The following EYS variants were observed in gnomAD, a reference collection of about 807,000 sequenced individuals.
EYS encodes protein eyes shut homolog.
EYS carries 250 observed loss-of-function variants against 282.1 expected under a neutral mutation model. The observed-to-expected ratio is 0.89, with a 90% CI of 0.80 to 0.98. The LOEUF (loss-of-function observed/expected upper bound fraction) is 0.98, where lower values mean the gene tolerates loss of function less well. Among genes scored for constraint, EYS ranks in the 50% least tolerant of loss-of-function variants. EYS has a pLI of 0.00. For synonymous variants in EYS, 1,355 were observed against 1,282.9 expected (o/e 1.06, Z -1.20); for missense variants, 4,016 against 3,709.0 (o/e 1.08, Z -2.15).
At chr6:63,811,356 A>T (rs1771041777) in intron 36 of EYS, among the ~76,000 whole-genome samples, 1 of 152,218 alleles carries the variant, frequency 6.6e-6, no homozygotes, top group Non-Finnish European at 1.5e-5. Flanking sequence ...TTTCTAAACT[A>T]AATGTCAATT....
intron 1 of EYS, among the ~76,000 whole-genome samples, chr6:65,703,286 G>C (rs889371891): frequency 3.3e-5 from 5 of 151,956 alleles, no homozygotes; most frequent in African/African-American, 1.2e-4. Context: ...CACATATACA[G>C]GCAGATAGAT....
At chr6:65,504,418 A>T (rs770154678) in intron 2 of EYS, among the ~76,000 whole-genome samples, 1 of 151,620 alleles carries the variant, frequency 6.6e-6, no homozygotes, top group Non-Finnish European at 1.5e-5. Flanking sequence ...TTCTAATTGT[A>T]CTAGCTAGAA....
At chr6:64,601,497 C>T (rs1332193700) in intron 24 of EYS, among the ~76,000 whole-genome samples, 2 of 152,044 alleles carry the variant, frequency 1.3e-5, no homozygotes, top group Non-Finnish European at 2.9e-5. Flanking sequence ...CACATCTACT[C>T]AATACAATGT....
At chr6:64,396,776 T>C (rs565221049) in intron 28 of EYS, among the ~76,000 whole-genome samples, 1 of 152,204 alleles carries the variant, frequency 6.6e-6, no homozygotes, top group South Asian at 2.1e-4. Context: ...CTGGTCAATT[T>C]TTCTATCTTT....
chr6:64,491,887 C>T (rs1776752037), intron 26 of EYS, among the ~76,000 whole-genome samples: 1 of 151,156 alleles, frequency 6.6e-6, no homozygotes, highest in Non-Finnish European at 1.5e-5. Context: ...ATTAAGCATA[C>T]ACTTAAATAG....
At chr6:65,444,015 G>A (rs992286471) in intron 5 of EYS, among the ~76,000 whole-genome samples, 4 of 151,622 alleles carry the variant, frequency 2.6e-5, no homozygotes, top group Admixed American at 1.3e-4. Context: ...AATTATTAAA[G>A]CATGGTTCAA....
chr6:65,348,208 C>A (rs1034859014), intron 9 of EYS, among the ~76,000 whole-genome samples: 1 of 151,722 alleles, frequency 6.6e-6, no homozygotes, highest in Non-Finnish European at 1.5e-5. Context: ...GTGCAGATAT[C>A]TCTTCAATAT....
intron 2 of EYS, among the ~76,000 whole-genome samples, chr6:65,616,068 A>C (rs1333819143): frequency 7.9e-6 from 1 of 126,684 alleles, no homozygotes; most frequent in South Asian, 2.2e-4. Flanking sequence ...CAAGCATTAA[A>C]CATTTACTCT....
rs577726437 is a variant in EYS, at chr6:65,586,409, A to G, written c.-333+53369T>C. 3.3e-5 allele frequency among the ~76,000 whole-genome samples: 5 copies of G among 152,200 alleles called. No individual in the cohort carries two copies. In the South Asian group the frequency reaches 6.2e-4, roughly 19 times the overall value. ...AATTTTATAACCAAAAGGGGCAACT[A>G]TTGAGATGCTGGAGATTAAGGGTAT... On this transcript the variant is annotated intron_variant, in intron 2 of 42. Coordinates refer to ENST00000503581, the MANE Select transcript of EYS (RefSeq NM_001142800.2).
intron 12 of EYS, among the ~76,000 whole-genome samples, chr6:65,294,527 C>T (rs970258075): frequency 6.6e-6 from 1 of 151,818 alleles, no homozygotes; most frequent in East Asian, 1.9e-4. Flanking sequence ...TGTGGTAAAA[C>T]TATATAGTTT....
In EYS at chr6:65,671,465, T is replaced by G. The variant is rs534421752; in HGVS notation, c.-447-31573A>C. 2.0e-5 allele frequency among the ~76,000 whole-genome samples: 3 copies of G among 152,156 alleles called. No individual in the cohort carries two copies. In the South Asian group the frequency reaches 6.2e-4, roughly 32 times the overall value. On this transcript the variant is annotated intron_variant, in intron 1 of 42. Transcript: ENST00000503581. Reference sequence around the variant, plus strand: ...ATAATAAACTTTGAACAAAAAAAACTAATATAAAATACTGTTATATTTCAC... The same window carrying G: ...ATAATAAACTTTGAACAAAAAAAACGAATATAAAATACTGTTATATTTCAC...
intron 12 of EYS, among the ~76,000 whole-genome samples, chr6:65,073,552 C>A (rs1040357947): frequency 2.0e-5 from 3 of 151,246 alleles, no homozygotes; most frequent in Non-Finnish European, 2.9e-5. Context: ...TGCCTACAGG[C>A]TCAGAATATA....
chr6:65,437,054 G>A (rs1390000194), intron 5 of EYS, among the ~76,000 whole-genome samples: 1 of 152,092 alleles, frequency 6.6e-6, no homozygotes, highest in African/African-American at 2.4e-5. Context: ...TAAGCTGGCT[G>A]ATTGGTAGCA....
intron 2 of EYS, among the ~76,000 whole-genome samples, chr6:65,506,259 G>A (rs2127282037): frequency 6.6e-6 from 1 of 151,958 alleles, no homozygotes; most frequent in East Asian, 1.9e-4. Flanking sequence ...GGTGGGTCTT[G>A]TTTATTTGTT....
chr6:65,016,567 G>A (rs1237314197), intron 13 of EYS, among the ~76,000 whole-genome samples: 1 of 152,154 alleles, frequency 6.6e-6, no homozygotes, highest in South Asian at 2.1e-4. Context: ...TAATCTTTCT[G>A]TGCAAGAGGC....
rs1211856182 is a variant in EYS, at chr6:63,721,047, A to T, written c.8984T>A (p.Ile2995Asn). The T allele has an allele frequency of 1.2e-5, 18 of 1,551,248 alleles. No homozygotes were observed. The highest frequency in any genetic ancestry group is 1.6e-5 in the Non-Finnish European group (18 of 1,146,794). Residue 2995 changes from isoleucine (I) to asparagine (N), a missense_variant, in exon 43 of 43, where the codon ATT becomes AAT. Coordinates refer to ENST00000503581, the MANE Select transcript of EYS (RefSeq NM_001142800.2). ...NFSTTKTEGL[I>N]VWMGIAQNEE... is the part of the protein sequence containing the mutation. ...ATTTTGAGCTATTCCCATCCATACA[A>T]TTAGACCTTCTGTTTTAGTGGTACT...
At chr6:64,728,968 T>A (rs1037486482) in intron 22 of EYS, 1 of 152,418 alleles carries the variant, frequency 6.6e-6, no homozygotes, top group African/African-American at 2.4e-5. Flanking sequence ...GACTCCTCTC[T>A]GAAGCCACGT....
chr6:65,325,493 T>C (rs1769593853), intron 11 of EYS, among the ~76,000 whole-genome samples: 2 of 152,086 alleles, frequency 1.3e-5, no homozygotes, highest in African/African-American at 4.8e-5. Context: ...AATTCATAAG[T>C]GATGGCAGGA....
At chr6:64,556,533 A>T (rs1765237712) in intron 26 of EYS, among the ~76,000 whole-genome samples, 1 of 152,030 alleles carries the variant, frequency 6.6e-6, no homozygotes, top group Admixed American at 6.6e-5. Context: ...GAAAATGGAC[A>T]TATTCTATAT....
Sources: allele counts gnomAD v4.1 joint callset (sites outside exome capture counted in the v4.1 genomes callset), GRCh38; gene constraint gnomAD v4.1.1; transcripts MANE v1.5; gene names NCBI Gene and HGNC (gene_info 2026-07-23, HGNC 2026-07-21).